PRKG1: variants seen among roughly 807,000 people sequenced by gnomAD.
PRKG1 encodes the protein cGMP-dependent protein kinase 1.
Under a neutral mutation model 88.1 loss-of-function variants are expected in PRKG1, and 35 were observed. The observed-to-expected ratio is 0.40, with a 90% CI of 0.30 to 0.53. The LOEUF (loss-of-function observed/expected upper bound fraction) is 0.53. Among genes scored for constraint, PRKG1 ranks in the 20% least tolerant of loss-of-function variants. The probability of loss-of-function intolerance (pLI) is 0.59; values close to 1 mark genes in which losing one functional copy is unlikely to be tolerated. For missense variants in PRKG1, 540 were observed against 839.8 expected (o/e 0.64, Z 4.41); for synonymous variants, 303 against 292.5 (o/e 1.04, Z -0.37).
chr10:52,011,308 T>C (rs1292996266), intron 5 of PRKG1, among the ~76,000 whole-genome samples: 1 of 152,204 alleles, frequency 6.6e-6, no homozygotes, highest in Non-Finnish European at 1.5e-5. Flanking sequence ...AAACCTGTTG[T>C]TTTGCCAAAA....
intron 7 of PRKG1, among the ~76,000 whole-genome samples, chr10:52,113,262 T>G (rs915059550): frequency 1.3e-5 from 2 of 152,204 alleles, no homozygotes; most frequent in Non-Finnish European, 2.9e-5. Context: ...TTGCTTTTAT[T>G]AAACTATAAA....
At chr10:52,205,872 G>A (rs891236859) in intron 9 of PRKG1, among the ~76,000 whole-genome samples, 1 of 151,904 alleles carries the variant, frequency 6.6e-6, no homozygotes, top group Non-Finnish European at 1.5e-5. Flanking sequence ...CAACCTTGGA[G>A]TGTCTGATGA....
chr10:51,782,660 T>G (rs932935177), intron 3 of PRKG1, among the ~76,000 whole-genome samples: 7 of 152,020 alleles, frequency 4.6e-5, no homozygotes, highest in Admixed American at 1.3e-4. Context: ...CTGGGGGTGG[T>G]TTCCCTCATA....
At chr10:51,310,172 T>C (rs1841147024) in intron 2 of PRKG1, among the ~76,000 whole-genome samples, 1 of 152,184 alleles carries the variant, frequency 6.6e-6, no homozygotes, top group Non-Finnish European at 1.5e-5. Flanking sequence ...ATGGCTACTC[T>C]ATAAGGCCAG....
At chr10:51,051,861 C>A (rs1843565987) in intron 1 of PRKG1, among the ~76,000 whole-genome samples, 1 of 152,024 alleles carries the variant, frequency 6.6e-6, no homozygotes, top group Admixed American at 6.6e-5. Context: ...ATTCCTAAGG[C>A]TTAAGAAAAA....
rs544049012 is a variant in PRKG1 at position 51,480,030 on chromosome 10, G to A, written c.592+12194G>A. 7.2e-5 allele frequency among the ~76,000 whole-genome samples: 11 copies of A among 152,070 alleles called. No homozygotes were observed. In the East Asian group the frequency reaches 1.7e-3, roughly 24 times the overall value. On this transcript the variant is annotated intron_variant, in intron 3 of 17. Transcript: ENST00000373980. ...AAAAAAAAAAATTAAATGTTGGCAA[G>A]CTTGATTTATTTACAACCGTGTCAT...
chr10:52,270,821 G>A (rs1841706954), intron 10 of PRKG1, among the ~76,000 whole-genome samples: 2 of 151,804 alleles, frequency 1.3e-5, no homozygotes, highest in Non-Finnish European at 2.9e-5. Flanking sequence ...GTATACATAT[G>A]TAACAAACCT....
intron 2 of PRKG1, among the ~76,000 whole-genome samples, chr10:51,255,509 T>C (rs1292650901): frequency 6.6e-6 from 1 of 152,094 alleles, no homozygotes; most frequent in Non-Finnish European, 1.5e-5. Context: ...GGCTGGACTC[T>C]GGGTGTAGTA....
intron 2 of PRKG1, among the ~76,000 whole-genome samples, chr10:51,358,733 G>C (rs1008217822): frequency 6.6e-6 from 1 of 151,776 alleles, no homozygotes; most frequent in Non-Finnish European, 1.5e-5. Context: ...AATTTACTTT[G>C]GCCTTTAAAG....
intron 4 of PRKG1, among the ~76,000 whole-genome samples, chr10:51,878,750 TGACTA>T (rs1204815016): frequency 6.6e-6 from 1 of 152,222 alleles, no homozygotes; most frequent in Non-Finnish European, 1.5e-5. Context: ...CTTCCCATAC[TGACTA>T]GAGCTGGCTA....
intron 4 of PRKG1, among the ~76,000 whole-genome samples, chr10:51,856,762 G>A (rs187369278): frequency 3.8e-4 from 58 of 152,010 alleles, no homozygotes; most frequent in Admixed American, 5.9e-4. Flanking sequence ...TCAGGAGATC[G>A]GGACCATCCT....
chr10:51,604,072 GA>G (rs1838689309), intron 3 of PRKG1, among the ~76,000 whole-genome samples: 1 of 139,424 alleles, frequency 7.2e-6, no homozygotes, highest in African/African-American at 2.7e-5. Flanking sequence ...CAGGATTAAT[GA>G]AGATCTGGTC....
intron 2 of PRKG1, among the ~76,000 whole-genome samples, chr10:51,327,397 A>C (rs1841619939): frequency 6.6e-6 from 1 of 151,192 alleles, no homozygotes; most frequent in African/African-American, 2.4e-5. Flanking sequence ...AGTCTGGGCT[A>C]CAGAGTGAGA....
At chr10:52,114,490 A>G (rs1241883409) in intron 7 of PRKG1, among the ~76,000 whole-genome samples, 4 of 151,770 alleles carry the variant, frequency 2.6e-5, no homozygotes, top group Non-Finnish European at 5.9e-5. Flanking sequence ...TAAAAATATG[A>G]GAATCATTTA....
chr10:51,546,596 C>G (rs1053845140), intron 3 of PRKG1, among the ~76,000 whole-genome samples: 4 of 152,030 alleles, frequency 2.6e-5, no homozygotes, highest in African/African-American at 9.7e-5. Flanking sequence ...TTGAACTAAT[C>G]TTTAAATTCA....
chr10:51,147,870 T>A (rs1311083550), intron 1 of PRKG1, among the ~76,000 whole-genome samples: 1 of 152,126 alleles, frequency 6.6e-6, no homozygotes, highest in Non-Finnish European at 1.5e-5. Context: ...GAAAACTGGT[T>A]TGTGGTTTTG....
At chr10:52,090,472 C>T (rs955691390) in intron 7 of PRKG1, among the ~76,000 whole-genome samples, 6 of 151,736 alleles carry the variant, frequency 4.0e-5, no homozygotes, top group Non-Finnish European at 5.9e-5. Flanking sequence ...ATATGCCTTA[C>T]AGAATAATTC....
chr10:51,556,154 T>G (rs1837304394), intron 3 of PRKG1, among the ~76,000 whole-genome samples: 1 of 151,994 alleles, frequency 6.6e-6, no homozygotes, highest in Non-Finnish European at 1.5e-5. Context: ...TAAAGAAGTT[T>G]TTTTCTAATA....
chr10:51,527,143 A>G (rs2132086443), intron 3 of PRKG1, among the ~76,000 whole-genome samples: 1 of 152,262 alleles, frequency 6.6e-6, no homozygotes. Context: ...ATTTCTTTTG[A>G]TTTTTTATCC....
Sources: gnomAD v4.1 joint callset for allele counts (sites outside exome capture counted in the v4.1 genomes callset) on GRCh38, gnomAD v4.1.1 for gene constraint, MANE v1.5 for transcripts, NCBI Gene and HGNC (gene_info 2026-07-23, HGNC 2026-07-21) for gene names.